The following M1AP variants were observed in gnomAD, a reference collection of about 807,000 sequenced individuals.
M1AP encodes meiosis 1 arrest protein.
M1AP carries 39 observed loss-of-function variants against 51.2 expected under a neutral mutation model. The ratio of observed to expected loss-of-function variants is 0.76; its 90% confidence interval spans 0.59 to 1.00. The LOEUF is 1.00. Ranked by LOEUF, M1AP falls within the 50% of genes least tolerant of loss-of-function variation. The pLI is 0.00. For missense variants in M1AP, 545 were observed against 641.2 expected (o/e 0.85, Z 1.62); for synonymous variants, 251 against 249.2 (o/e 1.01, Z -0.07).
chr2:74,612,295 T>G (rs1638677038), intron 3 of M1AP, among the ~76,000 whole-genome samples: 1 of 152,040 alleles, frequency 6.6e-6, no homozygotes, highest in African/African-American at 2.4e-5. Context: ...CATAGCTCAC[T>G]GCAGCCTCAA....
intron 2 of M1AP, among the ~76,000 whole-genome samples, chr2:74,629,480 C>T (rs547982679): frequency 2.2e-4 from 33 of 152,300 alleles, no homozygotes; most frequent in African/African-American, 7.0e-4. Flanking sequence ...AGGCTGGGCG[C>T]GGTGGCTCAT....
chr2:74,610,635 T>C (rs138456039), intron 3 of M1AP, among the ~76,000 whole-genome samples: 6 of 152,194 alleles, frequency 3.9e-5, no homozygotes, highest in Non-Finnish European at 8.8e-5. Flanking sequence ...AAAGTTTTTT[T>C]CGTAGTGGCA....
intron 2 of M1AP, among the ~76,000 whole-genome samples, chr2:74,623,401 C>T (rs1682186617): frequency 6.6e-6 from 1 of 151,302 alleles, no homozygotes; most frequent in African/African-American, 2.4e-5. Context: ...CTACTTGGGA[C>T]TTGAGGTGGG....
At chr2:74,584,931 C>A (rs1455007205) in intron 4 of M1AP, among the ~76,000 whole-genome samples, 1 of 151,578 alleles carries the variant, frequency 6.6e-6, no homozygotes, top group Non-Finnish European at 1.5e-5. Flanking sequence ...CAACCTTCAC[C>A]TCCTGGGCTC....
chr2:74,607,434 T>G (rs959639862), intron 3 of M1AP, among the ~76,000 whole-genome samples: 1 of 152,206 alleles, frequency 6.6e-6, no homozygotes, highest in Non-Finnish European at 1.5e-5. Flanking sequence ...CCAATCAGGC[T>G]GAGCTGACCC....
At chr2:74,596,870 T>C (rs1029673883) in intron 4 of M1AP, among the ~76,000 whole-genome samples, 1 of 152,078 alleles carries the variant, frequency 6.6e-6, no homozygotes, top group African/African-American at 2.4e-5. Flanking sequence ...ACACAAAAGG[T>C]GTGTGTACTT....
intron 7 of M1AP, among the ~76,000 whole-genome samples, chr2:74,570,245 G>A (rs80122495): frequency 0.056 from 8,578 of 152,092 alleles, 686 homozygotes; most frequent in African/African-American, 0.18. Flanking sequence ...ACCTAAGGCC[G>A]TCTGATTCCA....
chr2:74,582,046 C>CA (rs2104591865), intron 4 of M1AP, among the ~76,000 whole-genome samples, 199 bp from the exon 5 acceptor site: 1 of 152,344 alleles, frequency 6.6e-6, no homozygotes, highest in East Asian at 1.9e-4. Flanking sequence ...CTTCCTGCCT[C>CA]AGCCTCCTGA....
chr2:74,594,938 G>A (rs995405007), intron 4 of M1AP, among the ~76,000 whole-genome samples: 1 of 152,142 alleles, frequency 6.6e-6, no homozygotes, highest in Non-Finnish European at 1.5e-5. Context: ...CAAATAGGAT[G>A]AATTAGAAGA....
chr2:74,611,893 T>TG (rs1392100476), intron 3 of M1AP, among the ~76,000 whole-genome samples: 9 of 78,104 alleles, frequency 1.2e-4, no homozygotes, highest in South Asian at 7.2e-4. Flanking sequence ...TTTTTTTTTT[T>TG]TTTTTTTTTT....
Position 74,631,014 on chromosome 2 carries a change from CTCTT to C in M1AP, c.240+9018_240+9021del, listed in dbSNP as rs142271506. 7.9e-3 allele frequency among the ~76,000 whole-genome samples: 1,202 copies of C among 152,244 alleles called. 22 individuals carry two copies. Among genetic ancestry groups the C allele is most frequent in the African/African-American group, 0.027 (1,142 of 41,550 alleles). On this transcript the variant is annotated intron_variant, in intron 2 of 10. Coordinates refer to ENST00000421985, the MANE Select transcript of M1AP (RefSeq NM_001321739.2). Reference sequence around the variant, plus strand: ...ACCTTGTCTGCAATTGATCGTAATTCTCTTTGTTTGGTTTGCCTTTGCCTAGTAT... The same window carrying C: ...ACCTTGTCTGCAATTGATCGTAATTCTGTTTGGTTTGCCTTTGCCTAGTAT...
At chr2:74,565,549 C>T (rs753509470) in intron 7 of M1AP, among the ~76,000 whole-genome samples, 2 of 152,020 alleles carry the variant, frequency 1.3e-5, no homozygotes, top group Non-Finnish European at 2.9e-5. Context: ...CATTTGGCAG[C>T]CGGGCGTGGT....
rs114430238 is a variant in M1AP, at chr2:74,562,509, T to G, written c.1075-86A>C. On this transcript the variant is annotated intron_variant, in intron 7 of 10. Transcript: ENST00000421985. ...CAGTCCCAATTGAAGTTTCCCTGAC[T>G]TCCAGGGGTGCTGAGGAGGGCAGAG... The G allele has an allele frequency of 5.6e-4, 828 of 1,476,114 alleles. 3 individuals are homozygous for G. The African/African-American group carries it at 0.011, about 19-fold the overall frequency. The allele number at this position is 1,476,114 out of a possible 1,614,324, so 91.4% of individuals were successfully genotyped here.
chr2:74,601,381 A>G (rs1250513197), intron 4 of M1AP, among the ~76,000 whole-genome samples: 1 of 152,122 alleles, frequency 6.6e-6, no homozygotes, highest in Non-Finnish European at 1.5e-5. Context: ...CAAAGTAAAT[A>G]ATATCAATAA....
intron 1 of M1AP, among the ~76,000 whole-genome samples, chr2:74,646,955 C>G (rs1683648302): frequency 6.6e-6 from 1 of 152,144 alleles, no homozygotes; most frequent in African/African-American, 2.4e-5. Context: ...CCTCAAACAT[C>G]ATCAATTCAT....
At chr2:74,607,515 C>G (rs1372707625) in intron 3 of M1AP, among the ~76,000 whole-genome samples, 1 of 152,164 alleles carries the variant, frequency 6.6e-6, no homozygotes, top group Admixed American at 6.5e-5. Flanking sequence ...GCTCTGTCGC[C>G]CAGGCTGGAG....
intron 4 of M1AP, among the ~76,000 whole-genome samples, chr2:74,587,324 G>A (rs1315768054): frequency 2.6e-5 from 4 of 151,468 alleles, no homozygotes; most frequent in South Asian, 2.1e-4. Flanking sequence ...TCAGCCTCCC[G>A]AGTAGCTGGG....
rs534948300 is a variant in M1AP at position 74,629,879 on chromosome 2, C to CA, written c.240+10156dup. ...ATGTACATGCAAATATTCCAAAATTCAAAAAAATCCAAAGTCTGAAACACT... is the reference window on the plus strand; with the variant it reads ...ATGTACATGCAAATATTCCAAAATTCAAAAAAAATCCAAAGTCTGAAACACT... On this transcript the variant is annotated intron_variant, in intron 2 of 10. Transcript: ENST00000421985. Among the ~76,000 whole-genome samples, 13 of 150,882 alleles carry CA rather than the reference C, an allele frequency of 8.6e-5. No individual in the cohort carries two copies. The South Asian group carries it at 2.1e-3, about 24-fold the overall frequency.
intron 1 of M1AP, chr2:74,647,342 G>A (rs1380764743): frequency 1.0e-6 from 1 of 985,204 alleles, no homozygotes; most frequent in South Asian, 4.7e-5. Flanking sequence ...AGCATTCTAG[G>A]TTAGGGCCCC....
Sources: gnomAD v4.1 joint callset for allele counts (sites outside exome capture counted in the v4.1 genomes callset) on GRCh38, gnomAD v4.1.1 for gene constraint, MANE v1.5 for transcripts, NCBI Gene and HGNC (gene_info 2026-07-23, HGNC 2026-07-21) for gene names.